The following DDX39B variants were observed in gnomAD, a reference collection of about 807,000 sequenced individuals.
The protein encoded by DDX39B is spliceosome RNA helicase DDX39B.
In DDX39B, 6 loss-of-function variants were observed where a neutral mutation model predicts 46.4. The observed-to-expected ratio is 0.13, with a 90% CI of 0.07 to 0.26. DDX39B has a LOEUF of 0.26. Among genes scored for constraint, DDX39B ranks in the 10% least tolerant of loss-of-function variants. DDX39B has a pLI of 1.00. For synonymous variants in DDX39B, 174 were observed against 199.4 expected (o/e 0.87, Z 1.07); for missense variants, 185 against 553.4 (o/e 0.33, Z 6.68).
chr6:31,538,829 A>C lies in DDX39B; in HGVS notation c.366T>G (p.Thr122=), dbSNP rs1352123108. 2 of 1,614,050 alleles carry C rather than the reference A, an allele frequency of 1.2e-6. No homozygotes were observed. The highest frequency in any genetic ancestry group is 2.7e-5 in the African/African-American group (2 of 74,926). The change falls in exon 4 of 11, where the codon ACT becomes ACG. Residue 122 remains threonine, a synonymous_variant. Coordinates refer to ENST00000396172, the MANE Select transcript of DDX39B (RefSeq NM_004640.7). ...GQVSVLVMCH[T]RELAFQISKE... is the part of the protein sequence containing the mutation. ...TGCTGATCTGAAAAGCCAACTCCCGAGTGTGACACATCACCAGTACAGACA... is the reference window on the plus strand; with the variant it reads ...TGCTGATCTGAAAAGCCAACTCCCGCGTGTGACACATCACCAGTACAGACA...
chr6:31,538,257 G>C (rs1456059103), intron 4 of DDX39B, among the ~76,000 whole-genome samples: 1 of 152,020 alleles, frequency 6.6e-6, no homozygotes, highest in African/African-American at 2.4e-5. Flanking sequence ...CTGGGTTCAA[G>C]CGATTCCCCT....
chr6:31,532,768 C>T lies in DDX39B; in HGVS notation c.867+12G>A, dbSNP rs375605318. The T allele has an allele frequency of 3.0e-5, 48 of 1,609,964 alleles. 3 individuals carry two copies. Among genetic ancestry groups the T allele is most frequent in the South Asian group, 3.0e-4 (27 of 90,952 alleles). On this transcript the variant is annotated intron_variant, in intron 7 of 10. Coordinates refer to ENST00000396172, the MANE Select transcript of DDX39B (RefSeq NM_004640.7). ...CTCCAATGCTCATCCCCCTACTGGA[C>T]GTCTAACTGACCTGGTTGAACTCAA... is the stretch of plus-strand genomic sequence containing the variant.
chr6:31,539,719 C>G (rs1768183190), intron 2 of DDX39B, among the ~76,000 whole-genome samples: 1 of 152,208 alleles, frequency 6.6e-6, no homozygotes, highest in Non-Finnish European at 1.5e-5. Flanking sequence ...CCAGTCATCT[C>G]TAAACCAGTC....
In DDX39B at chr6:31,536,689, G is replaced by T; in HGVS notation, c.433-6C>A. ...CCACCAAAAAAAACAGCAACCTGCC[G>T]AGCCAGAAGCAAAGAGTCTCAAAAC... On this transcript the variant is annotated splice_polypyrimidine_tract_variant and splice_region_variant and intron_variant, in intron 4 of 10. Transcript: ENST00000396172. 1 of 1,611,746 alleles carries T rather than the reference G, an allele frequency of 6.2e-7. No homozygotes were observed.
rs766258385 is a variant in DDX39B at position 31,536,346 on chromosome 6, CATAATAAAG to C, written c.616+145_616+153del. 8.3e-6 allele frequency: 9 copies of C among 1,081,048 alleles called. No homozygotes were observed. In the South Asian group the frequency reaches 8.7e-5, roughly 10 times the overall value. The allele number at this position is 1,081,048 out of a possible 1,614,324, so 67.0% of individuals were successfully genotyped here. On this transcript the variant is annotated intron_variant, in intron 5 of 10. Coordinates refer to ENST00000396172, the MANE Select transcript of DDX39B (RefSeq NM_004640.7). ...TGACACCCTTTACTGTGCTTAAAAG[CATAATAAAG>C]ACCAACCAGGGAACCCAGAGCCATC...
chr6:31,539,637 G>A (rs1768173253), intron 2 of DDX39B, among the ~76,000 whole-genome samples: 2 of 152,194 alleles, frequency 1.3e-5, no homozygotes, highest in African/African-American at 4.8e-5. Context: ...TCCTGCTTAG[G>A]TTGCTATACT....
In DDX39B at chr6:31,535,577, T is replaced by C. The variant is rs1767699433; in HGVS notation, c.617-92A>G. The C allele has an allele frequency of 5.3e-6, 5 of 938,406 alleles. No individual in the cohort carries two copies. Among genetic ancestry groups the C allele is most frequent in the Non-Finnish European group, 8.4e-6 (5 of 596,370 alleles). The allele number at this position is 938,406 out of a possible 1,614,324, so 58.1% of individuals were successfully genotyped here. On this transcript the variant is annotated intron_variant, in intron 5 of 10. Transcript: ENST00000396172. The surrounding 1 kb of genome is among the most constrained non-coding windows in gnomAD (Gnocchi z 4.6). ...GACTTCCCAGTGAGGTGAAGATTGC[T>C]GGAAATAGTAACAACACAATGGAAA...
In DDX39B at chr6:31,531,432, C is replaced by A; in HGVS notation, c.868-27G>T. On this transcript the variant is annotated intron_variant, in intron 7 of 10. Coordinates refer to ENST00000396172, the MANE Select transcript of DDX39B (RefSeq NM_004640.7). This position sits in a 1 kb window ranked among gnomAD's most constrained non-coding sequence, Gnocchi z 5.8. ...TGTTGTGGGGTGGGGTGGGGGGTCG[C>A]AAATTGGGGGAATAGGGGTCCATGG... is the stretch of plus-strand genomic sequence containing the variant. 3.8e-6 allele frequency: 6 copies of A among 1,590,108 alleles called. No homozygotes were observed. Among genetic ancestry groups the A allele is most frequent in the Non-Finnish European group, 5.2e-6 (6 of 1,159,188 alleles).
chr6:31,530,391 C>T lies in DDX39B; in HGVS notation c.*43G>A. On this transcript the variant is annotated 3_prime_UTR_variant, in exon 11 of 11. Coordinates refer to ENST00000396172, the MANE Select transcript of DDX39B (RefSeq NM_004640.7). The surrounding 1 kb of genome is among the most constrained non-coding windows in gnomAD (Gnocchi z 4.5). ...TCCTTCACCCCCACCCTGGTGTCCT[C>T]TCCTGAAGGACAGACGGTCACATTC... 3 of 1,612,056 alleles carry T rather than the reference C, an allele frequency of 1.9e-6. No individual in the cohort carries two copies. Among genetic ancestry groups the T allele is most frequent in the Non-Finnish European group, 2.5e-6 (3 of 1,179,464 alleles).
chr6:31,535,343 G>T lies in DDX39B; in HGVS notation c.735+24C>A, dbSNP rs762266627. On this transcript the variant is annotated intron_variant, in intron 6 of 10. Coordinates refer to ENST00000396172, the MANE Select transcript of DDX39B (RefSeq NM_004640.7). This position sits in a 1 kb window ranked among gnomAD's most constrained non-coding sequence, Gnocchi z 4.6. Reference sequence around the variant, plus strand: ...GGAGGCAGCGGGCGGGGAGTGGAGGGAGAGAAGGTAGAAGGGTATTTACAT... The same window carrying T: ...GGAGGCAGCGGGCGGGGAGTGGAGGTAGAGAAGGTAGAAGGGTATTTACAT... 6.2e-7 allele frequency: 1 copy of T among 1,605,578 alleles called. No homozygotes were observed. Among genetic ancestry groups the T allele is most frequent in the East Asian group, 2.2e-5 (1 of 44,812 alleles).
intron 3 of DDX39B, 100 bp downstream of exon 3, chr6:31,539,047 T>G: frequency 3.7e-6 from 6 of 1,600,422 alleles, no homozygotes; most frequent in Non-Finnish European, 5.1e-6. Flanking sequence ...ACAGAGGTCA[T>G]GTGCTCATGG....
chr6:31,541,847 C>A, intron 1 of DDX39B, 103 bp downstream of exon 1: 1 of 640,030 alleles, frequency 1.6e-6, no homozygotes, highest in Non-Finnish European at 2.9e-6. Flanking sequence ...TAGGCCCCAG[C>A]GACCAGACCA....
In DDX39B at chr6:31,536,648, C is replaced by A; in HGVS notation, c.468G>T (p.Lys156Asn). Residue 156 changes from lysine (K) to asparagine (N), a missense_variant, in exon 5 of 11, where the codon AAG becomes AAT. By Grantham distance (94) the Lys-to-Asn change is moderately conservative (BLOSUM62 0). Transcript: ENST00000396172. Reference sequence around the variant, plus strand: ...AGTTCTTCTTCAGCACCTCTTCATCCTTCTTGATAGACAGACCACCAAAAA... The same window carrying A: ...AGTTCTTCTTCAGCACCTCTTCATCATTCTTGATAGACAGACCACCAAAAA... ...AVFFGGLSIKKDEEVLKKNCP... is the reference protein window; with the variant it reads ...AVFFGGLSIKNDEEVLKKNCP... 6.2e-7 allele frequency: 1 copy of A among 1,613,102 alleles called. No homozygotes were observed. The highest frequency in any genetic ancestry group is 8.5e-7 in the Non-Finnish European group (1 of 1,180,016).
intron 1 of DDX39B, chr6:31,541,302 A>G: frequency 2.2e-6 from 1 of 457,436 alleles, no homozygotes; most frequent in South Asian, 1.6e-5. Context: ...GCTCGGCCAC[A>G]AAAAAACAAA....
At chr6:31,536,990 C>G (rs1767855609) in intron 4 of DDX39B, among the ~76,000 whole-genome samples, 1 of 152,278 alleles carries the variant, frequency 6.6e-6, no homozygotes, top group East Asian at 1.9e-4. Flanking sequence ...TGTGGTGGCA[C>G]ACGCCTATAA....
At chr6:31,536,340 T>TA (rs1413747912) in intron 5 of DDX39B, 160 bp downstream of exon 5, 1 of 1,033,936 alleles carries the variant, frequency 9.7e-7, no homozygotes, top group East Asian at 2.4e-5. Flanking sequence ...TTACTGTGCT[T>TA]AAAAGCATAA....
At position 31,540,467 on chromosome 6, in the gene DDX39B, A is replaced by C. The variant is rs1287240139; in HGVS notation, c.66T>G (p.Ala22=). The change falls in exon 2 of 11, where the codon GCT becomes GCG. Residue 22 remains alanine, a synonymous_variant. Transcript: ENST00000396172. ...CAGGGGCCTCAGCCCCATCTCCCCC[A>C]GCTGCTGTCTCCACCTCATCATCTT... ...DYEDDEVETA[A]GGDGAEAPAK... The C allele has an allele frequency of 6.2e-7, 1 of 1,614,042 alleles. No homozygotes were observed. The highest frequency in any genetic ancestry group is 1.7e-5 in the Admixed American group (1 of 59,992).
At position 31,531,936 on chromosome 6, in the gene DDX39B, G is replaced by C. The variant is rs115843100; in HGVS notation, c.868-531C>G. 0.023 allele frequency among the ~76,000 whole-genome samples: 3,514 copies of C among 152,210 alleles called. 80 individuals are homozygous for C. The highest frequency in any genetic ancestry group is 0.073 in the South Asian group (354 of 4,822). On this transcript the variant is annotated intron_variant, in intron 7 of 10. Transcript: ENST00000396172. The surrounding 1 kb of genome is among the most constrained non-coding windows in gnomAD (Gnocchi z 5.8). ...GGGTTTAAGAGATCCTTCCACCTCA[G>C]CATCCCAAGCAGCTGGGACCACAGG...
Position 31,539,288 on chromosome 6 carries a change from G to A in DDX39B, c.212-14C>T, listed in dbSNP as rs775426504. The stretch of plus-strand genomic sequence containing the variant: ...ACTCATGCTGGACTAAAAGTTGGGG[G>A]GGGAGGAAGATAAATTAGACTTCAG... On this transcript the variant is annotated splice_polypyrimidine_tract_variant and intron_variant, in intron 2 of 10. Coordinates refer to ENST00000396172, the MANE Select transcript of DDX39B (RefSeq NM_004640.7). 5 of 1,606,700 alleles carry A rather than the reference G, an allele frequency of 3.1e-6. No individual in the cohort carries two copies. The South Asian group carries it at 4.4e-5, about 14-fold the overall frequency.
Sources: gnomAD v4.1 joint callset for allele counts (sites outside exome capture counted in the v4.1 genomes callset) on GRCh38, gnomAD v4.1.1 for gene constraint, Gnocchi (gnomAD v3.1) non-coding constraint, MANE v1.5 for transcripts, NCBI Gene and HGNC (gene_info 2026-07-23, HGNC 2026-07-21) for gene names.